Variants in RILPL1 observed in about 807,000 individuals in gnomAD.
The protein encoded by RILPL1 is Rab interacting lysosomal protein like 1.
A neutral mutation model predicts 50.3 loss-of-function variants in RILPL1; 33 were observed. The ratio of observed to expected loss-of-function variants is 0.66; its 90% CI spans 0.50 to 0.88. The LOEUF (loss-of-function observed/expected upper bound fraction) is 0.88. Among genes scored for constraint, RILPL1 ranks in the 40% least tolerant of loss-of-function variants. RILPL1 has a pLI of 0.00. For missense variants in RILPL1, 418 were observed against 542.5 expected, an observed-to-expected ratio of 0.77 and a Z score of 2.28; for synonymous variants, 205 against 228.6, an observed-to-expected ratio of 0.90 and a Z score of 0.93.
chr12:123,492,783 G>A (rs1882780142), intron 4 of RILPL1, among the ~76,000 whole-genome samples: 1 of 152,110 alleles, frequency 6.6e-6, no homozygotes, highest in African/African-American at 2.4e-5. Flanking sequence ...CCAACCCCGT[G>A]CTCTCTGAAA....
At chr12:123,488,256 T>G (rs910154974) in intron 4 of RILPL1, among the ~76,000 whole-genome samples, 1 of 151,540 alleles carries the variant, frequency 6.6e-6, no homozygotes, top group Non-Finnish European at 1.5e-5. Context: ...CCGGGCAACA[T>G]AGCAAGACCT....
intron 6 of RILPL1, chr12:123,475,633 A>C: frequency 6.7e-7 from 1 of 1,493,242 alleles, no homozygotes; most frequent in Non-Finnish European, 9.1e-7. Flanking sequence ...GGGCAGCTCA[A>C]ACAAAACCCA....
chr12:123,525,835 G>A (rs1191249308), intron 1 of RILPL1, among the ~76,000 whole-genome samples: 10 of 151,122 alleles, frequency 6.6e-5, no homozygotes, highest in East Asian at 5.9e-4. Flanking sequence ...GTGAGCCACC[G>A]TGCCCAGCCA....
At chr12:123,516,060 A>AAAAAAAAAAAAAAAAAAAAAAAC (rs1884676403) in intron 2 of RILPL1, among the ~76,000 whole-genome samples, 1 of 143,508 alleles carries the variant, frequency 7.0e-6, no homozygotes, top group Non-Finnish European at 1.5e-5. Flanking sequence ...AAAAAAAAAA[A>AAAAAAAAAAAAAAAAAAAAAAAC]TGCCCCGAGA....
intron 2 of RILPL1, among the ~76,000 whole-genome samples, chr12:123,507,047 A>G (rs1258816932): frequency 1.3e-5 from 2 of 152,198 alleles, no homozygotes; most frequent in African/African-American, 4.8e-5. Context: ...AATGAGAAGG[A>G]CTGACACCAC....
intron 2 of RILPL1, among the ~76,000 whole-genome samples, chr12:123,512,061 GGT>G (rs1382635090): frequency 1.6e-5 from 2 of 123,158 alleles, no homozygotes; most frequent in Admixed American, 8.5e-5. Flanking sequence ...GTCTGTGTGT[GGT>G]GTGTGAGGTC....
At chr12:123,507,582 G>A (rs941412052) in intron 2 of RILPL1, among the ~76,000 whole-genome samples, 17 of 149,502 alleles carry the variant, frequency 1.1e-4, no homozygotes, top group Non-Finnish European at 1.8e-4. Context: ...AAAAAAAGAT[G>A]TATGTGTGTA....
At position 123,472,010 on chromosome 12, in the gene RILPL1, G is replaced by A. The variant is rs76616545; in HGVS notation, c.*528C>T. The A allele has an allele frequency of 6.5e-6, 1 of 153,260 alleles. No homozygotes were observed. The highest frequency in any genetic ancestry group is 1.9e-4 in the East Asian group (1 of 5,200). The allele number at this position is 153,260 out of a possible 1,614,324, so 9.5% of individuals were successfully genotyped here. On this transcript the variant is annotated 3_prime_UTR_variant, in exon 7 of 7. Transcript: ENST00000376874. ...TGTCTGTGGCTTTGTGTCTGAGTTGGGCTACTGAGCCTGTGACTTCAGACC... is the reference window on the plus strand; with the variant it reads ...TGTCTGTGGCTTTGTGTCTGAGTTGAGCTACTGAGCCTGTGACTTCAGACC...
intron 1 of RILPL1, among the ~76,000 whole-genome samples, chr12:123,525,055 C>T (rs992862048): frequency 6.6e-6 from 1 of 152,086 alleles, no homozygotes; most frequent in East Asian, 1.9e-4. Context: ...TTACTTGAAG[C>T]TGGGAAGCGG....
At chr12:123,511,872 GGTTT>G (rs1465785482) in intron 2 of RILPL1, among the ~76,000 whole-genome samples, 4 of 131,522 alleles carry the variant, frequency 3.0e-5, no homozygotes, top group Non-Finnish European at 6.4e-5. Flanking sequence ...TGGTGTGTGA[GGTTT>G]GTGTGTGTGT....
intron 2 of RILPL1, among the ~76,000 whole-genome samples, chr12:123,504,433 C>T (rs905558641): frequency 6.6e-6 from 1 of 152,142 alleles, no homozygotes; most frequent in Admixed American, 6.6e-5. Flanking sequence ...GAACAGCAGG[C>T]GACGATGCCA....
At chr12:123,532,529 T>C (rs1029719026) in intron 1 of RILPL1, among the ~76,000 whole-genome samples, 8 of 152,144 alleles carry the variant, frequency 5.3e-5, no homozygotes, top group African/African-American at 1.9e-4. Flanking sequence ...AAAATGAAGA[T>C]AGTCTCTATA....
At chr12:123,511,603 TG>T (rs1884218109) in intron 2 of RILPL1, among the ~76,000 whole-genome samples, 1 of 131,860 alleles carries the variant, frequency 7.6e-6, no homozygotes. Context: ...TCTGTGTGTG[TG>T]GTGTGTGTGA....
In RILPL1 at chr12:123,498,840, C is replaced by A; in HGVS notation, c.580-75G>T. 1 of 1,373,132 alleles carries A rather than the reference C, an allele frequency of 7.3e-7. No individual in the cohort carries two copies. The highest frequency in any genetic ancestry group is 1.2e-5 in the South Asian group (1 of 85,784). 85.1% of individuals were successfully genotyped at this position (1,373,132 alleles called of 1,614,324 possible). On this transcript the variant is annotated intron_variant, in intron 3 of 6. Transcript: ENST00000376874. This position sits in a 1 kb window ranked among gnomAD's most constrained non-coding sequence, Gnocchi z 4.3. ...AGGTTGTACACTGCACAACGGCAAA[C>A]CATCCATAGGTGTGCCATTTACATT...
intron 2 of RILPL1, among the ~76,000 whole-genome samples, chr12:123,504,664 C>T (rs915438454): frequency 2.0e-5 from 3 of 152,200 alleles, no homozygotes; most frequent in Non-Finnish European, 4.4e-5. Context: ...GCTTTACACC[C>T]TGGACCTTAT....
At chr12:123,510,596 A>G (rs1157754401) in intron 2 of RILPL1, among the ~76,000 whole-genome samples, 1 of 54,414 alleles carries the variant, frequency 1.8e-5, no homozygotes, top group Non-Finnish European at 3.4e-5. Context: ...TGTGTGTGTG[A>G]ATGTGGGGTC....
At chr12:123,519,325 C>T (rs2139378755) in intron 2 of RILPL1, 1 of 152,302 alleles carries the variant, frequency 6.6e-6, no homozygotes, top group East Asian at 1.9e-4. Flanking sequence ...TCATTCATTT[C>T]TGCCTGTGCT....
intron 2 of RILPL1, among the ~76,000 whole-genome samples, chr12:123,507,732 G>A (rs9777736): frequency 0.19 from 29,427 of 150,918 alleles, 3,030 homozygotes; most frequent in Middle Eastern, 0.26. Context: ...ACCTGATGTC[G>A]GGAGTTCTAG....
intron 4 of RILPL1, among the ~76,000 whole-genome samples, chr12:123,490,403 C>A: frequency 6.6e-6 from 1 of 152,130 alleles, no homozygotes; most frequent in Non-Finnish European, 1.5e-5. Flanking sequence ...TGAACACACA[C>A]TTTCAAAGCC....
Sources: gnomAD v4.1 joint callset for allele counts (sites outside exome capture counted in the v4.1 genomes callset) on GRCh38, gnomAD v4.1.1 for gene constraint, Gnocchi (gnomAD v3.1) non-coding constraint, MANE v1.5 for transcripts, NCBI Gene and HGNC (gene_info 2026-07-23, HGNC 2026-07-21) for gene names.